The following NOX4 variants were observed in gnomAD, a reference collection of about 807,000 sequenced individuals.
NOX4 encodes the protein kidney oxidase-1.
Under a neutral mutation model 87.6 loss-of-function variants are expected in NOX4, and 69 were observed. The observed-to-expected ratio is 0.79, with a 90% confidence interval of 0.65 to 0.96. The LOEUF (loss-of-function observed/expected upper bound fraction) is 0.96. Ranked by LOEUF, NOX4 falls within the 40% of genes least tolerant of loss-of-function variation. The pLI is 0.00. For missense variants in NOX4, 680 were observed against 681.5 expected (o/e 1.00, Z 0.02); for synonymous variants, 275 against 238.2 (o/e 1.15, Z -1.42).
chr11:89,439,018 AATC>A (rs1048954191), intron 6 of NOX4, among the ~76,000 whole-genome samples: 1 of 116,998 alleles, frequency 8.5e-6, no homozygotes, highest in Non-Finnish European at 1.7e-5. Flanking sequence ...ATATTAGTAT[AATC>A]ATAATAGTGC....
At chr11:89,348,157 C>T (rs1445171036) in intron 13 of NOX4, among the ~76,000 whole-genome samples, 9 of 152,122 alleles carry the variant, frequency 5.9e-5, no homozygotes, top group Admixed American at 5.2e-4. Context: ...GTGGCTCATG[C>T]CTGTAATCCC....
chr11:89,425,022 A>T (rs1294897239), intron 7 of NOX4, among the ~76,000 whole-genome samples: 1 of 152,126 alleles, frequency 6.6e-6, no homozygotes, highest in Non-Finnish European at 1.5e-5. Context: ...AAGGGCTTAA[A>T]TTGTTTATGA....
At chr11:89,465,197 A>C (rs988786888) in intron 2 of NOX4, among the ~76,000 whole-genome samples, 1 of 151,752 alleles carries the variant, frequency 6.6e-6, no homozygotes, top group Non-Finnish European at 1.5e-5. Context: ...ATGTGTTCTC[A>C]TTGTTCAACT....
intron 9 of NOX4, among the ~76,000 whole-genome samples, chr11:89,401,581 G>T (rs1941858164): frequency 6.6e-6 from 1 of 152,080 alleles, no homozygotes; most frequent in Non-Finnish European, 1.5e-5. Flanking sequence ...AATAAAAGGT[G>T]TAATTTGCAC....
the NOX4 span, among the ~76,000 whole-genome samples, chr11:89,541,537 T>G: frequency 6.6e-6 from 1 of 152,212 alleles, no homozygotes; most frequent in Non-Finnish European, 1.5e-5. Flanking sequence ...TACTGATTTT[T>G]TTTTCAGAAG....
At chr11:89,385,173 C>T (rs746190789) in intron 11 of NOX4, among the ~76,000 whole-genome samples, 3 of 152,136 alleles carry the variant, frequency 2.0e-5, no homozygotes, top group Non-Finnish European at 4.4e-5. Flanking sequence ...ATATCCTGCA[C>T]CACCATGCTG....
intron 11 of NOX4, among the ~76,000 whole-genome samples, chr11:89,397,546 G>T (rs1941571460): frequency 1.3e-5 from 2 of 151,982 alleles, no homozygotes; most frequent in Non-Finnish European, 2.9e-5. Context: ...TTTTTGAAAA[G>T]ATCAACAAAA....
chr11:89,524,658 C>T, the NOX4 span, among the ~76,000 whole-genome samples: 4 of 152,018 alleles, frequency 2.6e-5, no homozygotes, highest in South Asian at 6.2e-4. Context: ...AAGGAAGATA[C>T]AGAACATTTT....
intron 2 of NOX4, among the ~76,000 whole-genome samples, chr11:89,452,310 T>A (rs1375218193): frequency 6.6e-6 from 1 of 152,062 alleles, no homozygotes; most frequent in African/African-American, 2.4e-5. Context: ...TTCTCATGTG[T>A]TCTCTCTCTC....
At chr11:89,343,420 T>C (rs1946086088) in intron 13 of NOX4, among the ~76,000 whole-genome samples, 2 of 152,102 alleles carry the variant, frequency 1.3e-5, no homozygotes, top group African/African-American at 4.8e-5. Context: ...AGGTGGGAAT[T>C]TGATTTCAAG....
chr11:89,335,926 T>C lies in NOX4; in HGVS notation c.1535A>G (p.Tyr512Cys), dbSNP rs144215891. The C allele has an allele frequency of 7.0e-4, 1,112 of 1,595,832 alleles. 1 individual carries two copies. Among genetic ancestry groups the C allele is most frequent in the Non-Finnish European group, 9.0e-4 (1,055 of 1,171,526 alleles). Residue 512 changes from tyrosine (Y) to cysteine (C), a missense_variant, in exon 17 of 18, where the codon TAT becomes TGT. By Grantham distance (194) the Tyr-to-Cys change is radical. Transcript: ENST00000263317. ...DGIQKIIGEK[Y>C]HALNSRLFIG... ...AAACAGTCTTGAATTCAGTGCATGATATTTTTCTCCAATTATCTTCTGCCA... is the reference window on the plus strand; with the variant it reads ...AAACAGTCTTGAATTCAGTGCATGACATTTTTCTCCAATTATCTTCTGCCA...
At chr11:89,555,877 G>T in the NOX4 span, among the ~76,000 whole-genome samples, 1 of 152,112 alleles carries the variant, frequency 6.6e-6, no homozygotes, top group Non-Finnish European at 1.5e-5. Flanking sequence ...AACTGTTCTG[G>T]CACTTCCTCA....
At chr11:89,443,012 T>C (rs1944524781) in intron 5 of NOX4, among the ~76,000 whole-genome samples, 1 of 152,120 alleles carries the variant, frequency 6.6e-6, no homozygotes. Context: ...TGAAATTACA[T>C]GTGAAGCGCT....
intron 15 of NOX4, among the ~76,000 whole-genome samples, chr11:89,339,834 G>A (rs1424038598): frequency 6.6e-6 from 1 of 151,974 alleles, no homozygotes; most frequent in Non-Finnish European, 1.5e-5. Flanking sequence ...AAATATATTA[G>A]ATATATATGC....
At chr11:89,460,091 G>C (rs191308383) in intron 2 of NOX4, among the ~76,000 whole-genome samples, 8 of 152,244 alleles carry the variant, frequency 5.3e-5, no homozygotes, top group African/African-American at 1.7e-4. Context: ...ATGGTGTTGG[G>C]AAAACTAGCT....
chr11:89,419,038 T>C (rs1223174047), intron 8 of NOX4, among the ~76,000 whole-genome samples: 1 of 152,110 alleles, frequency 6.6e-6, no homozygotes, highest in Non-Finnish European at 1.5e-5. Flanking sequence ...AACACATGAA[T>C]GTTTACATTT....
chr11:89,451,840 A>C lies in NOX4; in HGVS notation c.209T>G (p.Leu70Arg). The C allele has an allele frequency of 6.2e-7, 1 of 1,613,464 alleles. No individual in the cohort carries two copies. Among genetic ancestry groups the C allele is most frequent in the Non-Finnish European group, 8.5e-7 (1 of 1,179,532 alleles). The change falls in exon 3 of 18, where the codon CTT (leucine) becomes CGT (arginine). Residue 70 changes from leucine (L) to arginine (R), a missense_variant. Transcript: ENST00000263317. ...SASVLNLNCS[L>R]ILLPMCRTLL... Reference sequence around the variant, plus strand: ...TGTTCGGCACATGGGTAAAAGGATAAGGCTGCAGTTGAGGTTAAGAACAGA... The same window carrying C: ...TGTTCGGCACATGGGTAAAAGGATACGGCTGCAGTTGAGGTTAAGAACAGA...
intron 2 of NOX4, among the ~76,000 whole-genome samples, chr11:89,486,082 C>T (rs990712130): frequency 7.9e-5 from 12 of 151,710 alleles, no homozygotes; most frequent in Admixed American, 5.9e-4. Flanking sequence ...TCTATCAATT[C>T]GTATGTATTT....
chr11:89,372,316 T>C (rs1400562523), intron 12 of NOX4, among the ~76,000 whole-genome samples: 1 of 151,978 alleles, frequency 6.6e-6, no homozygotes, highest in Non-Finnish European at 1.5e-5. Flanking sequence ...TAAAGTCCCT[T>C]GGTTACTCTA....
Sources: allele counts gnomAD v4.1 joint callset (sites outside exome capture counted in the v4.1 genomes callset), GRCh38; gene constraint gnomAD v4.1.1; transcripts MANE v1.5; gene names NCBI Gene and HGNC (gene_info 2026-07-23, HGNC 2026-07-21).